EIF2AK4: variants seen among roughly 807,000 people sequenced by gnomAD.
EIF2AK4 encodes the protein eIF-2-alpha kinase GCN2.
In EIF2AK4, 139 loss-of-function variants were observed where a neutral mutation model predicts 211.1. The observed-to-expected ratio is 0.66, with a 90% confidence interval of 0.57 to 0.76. EIF2AK4 has a LOEUF of 0.76. Ranked by LOEUF, EIF2AK4 falls within the 30% of genes least tolerant of loss-of-function variation. The pLI, the probability that EIF2AK4 is intolerant of heterozygous loss-of-function variation, is 0.00. For synonymous variants in EIF2AK4, 710 were observed against 751.3 expected (o/e 0.94, Z 0.90); for missense variants, 1,664 against 2,043.8 (o/e 0.81, Z 3.58).
chr15:39,967,640 C>T lies in EIF2AK4; in HGVS notation c.1314C>T (p.Thr438=), dbSNP rs754630320. 12 of 1,614,070 alleles carry T rather than the reference C, an allele frequency of 7.4e-6. No individual in the cohort carries two copies. The highest frequency in any genetic ancestry group is 3.3e-5 in the Admixed American group (2 of 60,016). The change falls in exon 9 of 39, where the codon ACC becomes ACT. Residue 438 remains threonine, a synonymous_variant. Coordinates refer to ENST00000263791, the MANE Select transcript of EIF2AK4 (RefSeq NM_001013703.4). The part of the protein sequence containing the change: ...ASNVLVDAEG[T]VKITDYSISK... ...ATGTCTTGGTGGATGCAGAAGGCAC[C>T]GTCAAGATTACGGACTATAGCATTT...
Position 39,949,230 on chromosome 15 carries a change from C to T in EIF2AK4, c.475C>T (p.Gln159Ter), listed in dbSNP as rs773048463. The change falls in exon 4 of 39, where the codon CAG (glutamine) becomes TAG (stop). Residue 159 changes from glutamine (Q) to a stop codon, truncating the protein, a stop_gained. Coordinates refer to ENST00000263791, the MANE Select transcript of EIF2AK4 (RefSeq NM_001013703.4). LOFTEE classifies it high-confidence loss of function. ...MLERRAQEEQ[Q>*]RLLEAKRKEE... ...GGAAAGGCGGGCTCAGGAGGAGCAG[C>T]AGAGGCTGTTGGAGGCCAAGCGGAA... is the stretch of plus-strand genomic sequence containing the variant. 6.2e-7 allele frequency: 1 copy of T among 1,614,058 alleles called. No homozygotes were observed. Among genetic ancestry groups the T allele is most frequent in the South Asian group, 1.1e-5 (1 of 91,074 alleles).
chr15:40,003,375 C>T (rs1053226239), intron 23 of EIF2AK4, 61 bp downstream of exon 23: 3 of 1,594,008 alleles, frequency 1.9e-6, no homozygotes, highest in Admixed American at 3.5e-5. Context: ...GGGATGGCAT[C>T]TCTGTTAAAG....
At chr15:40,034,478 T>C (rs1222892161) in intron 38 of EIF2AK4, 34 bp downstream of exon 38, 1 of 1,543,018 alleles carries the variant, frequency 6.5e-7, no homozygotes, top group South Asian at 1.1e-5. Context: ...AGGGTTCACA[T>C]GGTTAAAATT....
chr15:40,019,035 C>A, intron 29 of EIF2AK4, 58 bp from the exon 30 acceptor site: 1 of 1,286,924 alleles, frequency 7.8e-7, no homozygotes, highest in South Asian at 1.3e-5. Flanking sequence ...CATTGTTTTC[C>A]CCGTAATCAC....
At position 40,007,441 on chromosome 15, in the gene EIF2AK4, T is replaced by C. The variant is rs144447358; in HGVS notation, c.3407+376T>C. On this transcript the variant is annotated intron_variant, in intron 24 of 38. Coordinates refer to ENST00000263791, the MANE Select transcript of EIF2AK4 (RefSeq NM_001013703.4). ...TGGGACAAATGGCCAGTGGTCTCTA[T>C]GTGAAAACTGCCTACACAGGTAACC... is the stretch of plus-strand genomic sequence containing the variant. Among the ~76,000 whole-genome samples the C allele has an allele frequency of 7.1e-4, 108 of 152,328 alleles. 7 individuals are homozygous for C. The highest frequency in any genetic ancestry group is 1.5e-4 in the Non-Finnish European group (10 of 68,022).
chr15:39,989,412 C>T (rs961060620), intron 15 of EIF2AK4, among the ~76,000 whole-genome samples: 9 of 152,118 alleles, frequency 5.9e-5, no homozygotes, highest in Non-Finnish European at 1.3e-4. Flanking sequence ...TTGGTAGAAG[C>T]AGAATTTGCA....
chr15:39,978,435 A>G (rs923627441), intron 13 of EIF2AK4: 64 of 195,420 alleles, frequency 3.3e-4, no homozygotes, highest in African/African-American at 1.5e-3. Flanking sequence ...GGGAAACTTT[A>G]TATGGTTGGG....
intron 23 of EIF2AK4, 36 bp downstream of exon 23, chr15:40,003,350 C>T (rs762615120): frequency 5.6e-6 from 9 of 1,610,944 alleles, no homozygotes; most frequent in Non-Finnish European, 7.6e-6. Context: ...AATCAGAATG[C>T]TGTATCTAGT....
chr15:39,935,578 A>AGTT, intron 1 of EIF2AK4, among the ~76,000 whole-genome samples: 2 of 151,936 alleles, frequency 1.3e-5, no homozygotes, highest in Non-Finnish European at 2.9e-5. Context: ...CAATCCTCTC[A>AGTT]CCTTGGCCTC....
chr15:39,995,482 G>A (rs538853402), intron 18 of EIF2AK4, among the ~76,000 whole-genome samples: 1 of 152,148 alleles, frequency 6.6e-6, no homozygotes, highest in East Asian at 1.9e-4. Flanking sequence ...TGTCATGCTC[G>A]GTTTCCTCAG....
Position 40,035,011 on chromosome 15 carries a change from T to C in EIF2AK4, c.4893-16T>C, listed in dbSNP as rs758316035. ...TAAACTGAGTCTGTCCTTATATCTT[T>C]TCTTTTCTTTTGCAGGGTGTCTGTG... On this transcript the variant is annotated splice_polypyrimidine_tract_variant and intron_variant, in intron 38 of 38. Transcript: ENST00000263791. The C allele has an allele frequency of 6.4e-7, 1 of 1,552,098 alleles. No homozygotes were observed. The highest frequency in any genetic ancestry group is 1.3e-5 in the African/African-American group (1 of 74,140).
At chr15:39,980,111 C>T (rs1313053822) in intron 13 of EIF2AK4, among the ~76,000 whole-genome samples, 1 of 152,124 alleles carries the variant, frequency 6.6e-6, no homozygotes, top group Non-Finnish European at 1.5e-5. Context: ...TAATCATGAC[C>T]CCATCAAAAC....
intron 14 of EIF2AK4, among the ~76,000 whole-genome samples, chr15:39,986,180 C>G (rs1349690179): frequency 1.3e-5 from 2 of 152,162 alleles, no homozygotes; most frequent in African/African-American, 4.8e-5. Flanking sequence ...TCTTCAGCAT[C>G]TTGTGCCTCA....
chr15:39,992,711 TTG>T, intron 17 of EIF2AK4, 56 bp from the exon 18 acceptor site: 1 of 1,481,412 alleles, frequency 6.8e-7, no homozygotes, highest in Non-Finnish European at 9.4e-7. Context: ...TGTTTTTAGT[TTG>T]TGTCTTCTGT....
Position 39,934,148 on chromosome 15 carries a change from C to A in EIF2AK4, c.-48C>A. 7.9e-7 allele frequency: 1 copy of A among 1,263,418 alleles called. No homozygotes were observed. The highest frequency in any genetic ancestry group is 9.9e-7 in the Non-Finnish European group (1 of 1,009,908). The allele number at this position is 1,263,418 out of a possible 1,614,324, so 78.3% of individuals were successfully genotyped here. ...GCCCCGCCCCGCAGGCTGCCGGGGG[C>A]CCACCGCCGCCCAGGCAAGGCCGCC... On this transcript the variant is annotated 5_prime_UTR_variant, in exon 1 of 39. Coordinates refer to ENST00000263791, the MANE Select transcript of EIF2AK4 (RefSeq NM_001013703.4).
In EIF2AK4 at chr15:40,019,250, TA is replaced by T. The variant is rs781345022; in HGVS notation, c.4173+54del. The T allele has an allele frequency of 5.7e-6, 8 of 1,404,544 alleles. No homozygotes were observed. The African/African-American group carries it at 8.8e-5, about 16-fold the overall frequency. 87.0% of individuals were successfully genotyped at this position (1,404,544 alleles called of 1,614,324 possible). ...CATACTTCGAGGTGTCTTTCATTTC[TA>T]AAAGTATGATTTGCCTTTTGCAGTC... On this transcript the variant is annotated intron_variant, in intron 30 of 38. Coordinates refer to ENST00000263791, the MANE Select transcript of EIF2AK4 (RefSeq NM_001013703.4).
At chr15:39,951,533 A>G (rs2034314891) in intron 4 of EIF2AK4, 1 of 358,804 alleles carries the variant, frequency 2.8e-6, no homozygotes, top group East Asian at 9.8e-5. Flanking sequence ...CTCTGGAAGC[A>G]CAGATCTGTT....
intron 13 of EIF2AK4, among the ~76,000 whole-genome samples, chr15:39,981,721 AT>A (rs1662882272): frequency 6.6e-6 from 1 of 152,172 alleles, no homozygotes; most frequent in Admixed American, 6.5e-5. Context: ...ACTTGGTGTT[AT>A]AAGTATTCAA....
chr15:40,009,033 G>T (rs1051953735), intron 25 of EIF2AK4, among the ~76,000 whole-genome samples: 1 of 151,990 alleles, frequency 6.6e-6, no homozygotes, highest in Non-Finnish European at 1.5e-5. Context: ...CAACTCTCTC[G>T]GGCTTTTTAA....
Sources: gnomAD v4.1 joint callset for allele counts (sites outside exome capture counted in the v4.1 genomes callset) on GRCh38, gnomAD v4.1.1 for gene constraint, MANE v1.5 for transcripts, NCBI Gene and HGNC (gene_info 2026-07-23, HGNC 2026-07-21) for gene names.